The following SIL1 variants were observed in gnomAD, a reference collection of about 807,000 sequenced individuals.
The protein encoded by SIL1 is SIL1 nucleotide exchange factor, also known as nucleotide exchange factor SIL1.
A neutral mutation model predicts 49.1 loss-of-function variants in SIL1; 40 were observed. That is an observed-to-expected ratio of 0.81 (90% CI 0.63 to 1.06). The LOEUF is 1.06. SIL1 is among the 50% of genes least tolerant of loss of function. SIL1 has a pLI of 0.00. For missense variants in SIL1, 500 were observed against 572.6 expected (o/e 0.87, Z 1.29); for synonymous variants, 253 against 250.8 (o/e 1.01, Z -0.08).
intron 3 of SIL1, among the ~76,000 whole-genome samples, chr5:139,080,392 T>G (rs1289171831): frequency 6.6e-6 from 1 of 152,242 alleles, no homozygotes; most frequent in East Asian, 1.9e-4. Flanking sequence ...ATCTGACTAC[T>G]GTTCAGTCTC....
chr5:139,027,685 AC>A (rs980972441), intron 5 of SIL1, among the ~76,000 whole-genome samples: 3 of 152,200 alleles, frequency 2.0e-5, no homozygotes, highest in African/African-American at 7.2e-5. Context: ...TGAATAAAAG[AC>A]TTTAATTAAA....
chr5:139,035,818 T>G (rs1302518001), intron 5 of SIL1: 2 of 168,076 alleles, frequency 1.2e-5, no homozygotes, highest in Admixed American at 1.2e-4. Flanking sequence ...CCGGCTAATT[T>G]TTTTTGTATT....
chr5:139,149,360 TACA>T (rs1156885980), intron 1 of SIL1, among the ~76,000 whole-genome samples: 3 of 152,194 alleles, frequency 2.0e-5, no homozygotes, highest in Admixed American at 1.3e-4. Context: ...CTAGGGACCA[TACA>T]ACAAGTTGCC....
intron 7 of SIL1, among the ~76,000 whole-genome samples, chr5:139,016,509 G>A (rs1768403432): frequency 6.6e-6 from 1 of 152,142 alleles, no homozygotes; most frequent in South Asian, 2.1e-4. Context: ...GGAGGACAAG[G>A]CTGGAGGAAT....
intron 7 of SIL1, among the ~76,000 whole-genome samples, chr5:138,995,423 T>C (rs963938436): frequency 5.9e-5 from 9 of 151,992 alleles, no homozygotes; most frequent in African/African-American, 2.2e-4. Flanking sequence ...TTTGTTTTAG[T>C]AGAGACAGGG....
At chr5:138,972,869 C>A (rs1767311302) in intron 7 of SIL1, among the ~76,000 whole-genome samples, 1 of 152,144 alleles carries the variant, frequency 6.6e-6, no homozygotes, top group Non-Finnish European at 1.5e-5. Context: ...CTGGGTCCAC[C>A]AAGTCCAGGA....
At chr5:139,049,896 GCA>G (rs1452739517) in intron 4 of SIL1, among the ~76,000 whole-genome samples, 1 of 151,968 alleles carries the variant, frequency 6.6e-6, no homozygotes, top group Non-Finnish European at 1.5e-5. Context: ...ACACGTGTTA[GCA>G]CAGGGTCAGC....
intron 1 of SIL1, 167 bp from the exon 2 acceptor site, chr5:139,128,020 T>C: frequency 1.5e-6 from 1 of 648,470 alleles, no homozygotes; most frequent in Non-Finnish European, 2.9e-6. Context: ...CCATCTACCA[T>C]GGTGGGTCCA....
At chr5:139,044,998 C>T (rs1390629296) in intron 4 of SIL1, among the ~76,000 whole-genome samples, 1 of 152,100 alleles carries the variant, frequency 6.6e-6, no homozygotes, top group Non-Finnish European at 1.5e-5. Context: ...TCCGATGGAC[C>T]CTTCTTCACT....
chr5:139,034,215 TTTC>T (rs1768854031), intron 5 of SIL1, among the ~76,000 whole-genome samples: 1 of 152,172 alleles, frequency 6.6e-6, no homozygotes, highest in African/African-American at 2.4e-5. Context: ...TATATTTGAA[TTTC>T]TTGTAGAAAG....
chr5:139,110,267 A>G (rs759733148), intron 3 of SIL1, among the ~76,000 whole-genome samples: 5 of 152,038 alleles, frequency 3.3e-5, no homozygotes, highest in Non-Finnish European at 7.4e-5. Context: ...TTAGAGGGCT[A>G]CTGGGGTGGG....
chr5:138,994,373 A>G (rs1244581632), intron 7 of SIL1, among the ~76,000 whole-genome samples: 12 of 152,232 alleles, frequency 7.9e-5, no homozygotes, highest in African/African-American at 2.7e-4. Flanking sequence ...TTACAATAAC[A>G]AATACTATGA....
At chr5:139,125,616 G>A (rs1451674756) in intron 2 of SIL1, among the ~76,000 whole-genome samples, 1 of 152,158 alleles carries the variant, frequency 6.6e-6, no homozygotes, top group African/African-American at 2.4e-5. Flanking sequence ...CAGTTTCAAT[G>A]CCAGGTGCTT....
intron 1 of SIL1, among the ~76,000 whole-genome samples, chr5:139,170,721 C>T (rs529990266): frequency 4.6e-5 from 7 of 151,648 alleles, no homozygotes; most frequent in Admixed American, 3.3e-4. Flanking sequence ...GCAGCCACCC[C>T]GTCTGGGAAG....
chr5:139,130,210 G>A (rs934640879), intron 1 of SIL1, among the ~76,000 whole-genome samples: 1 of 152,132 alleles, frequency 6.6e-6, no homozygotes, highest in African/African-American at 2.4e-5. Context: ...CTTGAGCCCA[G>A]GAGTTTGAGA....
intron 3 of SIL1, among the ~76,000 whole-genome samples, chr5:139,081,422 C>A (rs745501970): frequency 5.9e-5 from 9 of 152,084 alleles, no homozygotes; most frequent in Non-Finnish European, 8.8e-5. Flanking sequence ...ACCCAGCTAA[C>A]AATATAAATT....
At chr5:138,968,434 C>T (rs1407879024) in intron 7 of SIL1, among the ~76,000 whole-genome samples, 1 of 152,156 alleles carries the variant, frequency 6.6e-6, no homozygotes, top group Non-Finnish European at 1.5e-5. Context: ...ACAGAGGAAT[C>T]TCAGTGTGCT....
chr5:139,107,554 A>G (rs2151785922), intron 3 of SIL1, among the ~76,000 whole-genome samples: 1 of 152,326 alleles, frequency 6.6e-6, no homozygotes, highest in East Asian at 1.9e-4. Flanking sequence ...CAGTTTTTCC[A>G]CTAATGTTTT....
At chr5:139,029,931 C>T (rs374315996) in intron 5 of SIL1, among the ~76,000 whole-genome samples, 280 of 151,618 alleles carry the variant, frequency 1.8e-3, no homozygotes, top group Admixed American at 3.2e-3. Context: ...GAGCTGTGAT[C>T]GTACCACTTC....
Sources: allele counts gnomAD v4.1 joint callset (sites outside exome capture counted in the v4.1 genomes callset), GRCh38; gene constraint gnomAD v4.1.1; transcripts MANE v1.5; gene names NCBI Gene and HGNC (gene_info 2026-07-23, HGNC 2026-07-21).